UGT2A1: variants seen among roughly 807,000 people sequenced by gnomAD.
UGT2A1 encodes the protein UDP glucuronosyltransferase family 2 member A1 complex locus.
Under a neutral mutation model 45.4 loss-of-function variants are expected in UGT2A1, and 61 were observed. That is an observed-to-expected ratio of 1.34 (90% CI 1.09 to 1.66). The LOEUF (loss-of-function observed/expected upper bound fraction) is 1.66, where lower values mean the gene tolerates loss of function less well. Among genes scored for constraint, UGT2A1 ranks in the 40% most tolerant of loss-of-function variants. The pLI is 0.00. For synonymous variants in UGT2A1, 229 were observed against 196.2 expected, an observed-to-expected ratio of 1.17 and a Z score of -1.40; for missense variants, 649 against 574.3, an observed-to-expected ratio of 1.13 and a Z score of -1.33.
chr4:69,627,358 A>G (rs1195676932), intron 3 of UGT2A1, among the ~76,000 whole-genome samples: 2 of 151,880 alleles, frequency 1.3e-5, no homozygotes, highest in Non-Finnish European at 2.9e-5. Flanking sequence ...TACTAGACTC[A>G]TATCACATAC....
intron 2 of UGT2A1, among the ~76,000 whole-genome samples, chr4:69,637,801 G>T (rs1160590970): frequency 6.6e-6 from 1 of 151,990 alleles, no homozygotes; most frequent in Non-Finnish European, 1.5e-5. Flanking sequence ...CTACCACTTA[G>T]ACAAGTTGTA....
At chr4:69,596,341 A>C (rs762243860) in intron 4 of UGT2A1, 1 of 1,606,026 alleles carries the variant, frequency 6.2e-7, no homozygotes, top group East Asian at 2.2e-5. Flanking sequence ...AAACACCACA[A>C]CACCATTTTT....
At chr4:69,599,791 G>C in intron 3 of UGT2A1, 1 of 157,392 alleles carries the variant, frequency 6.4e-6, no homozygotes, top group African/African-American at 2.4e-5. Flanking sequence ...AAGGAGGGAG[G>C]ATTTTTTGTT....
chr4:69,605,099 C>T (rs1719527400), intron 3 of UGT2A1, among the ~76,000 whole-genome samples: 1 of 136,848 alleles, frequency 7.3e-6, no homozygotes, highest in Admixed American at 7.2e-5. Flanking sequence ...ATTATCCACC[C>T]CAAATCAACA....
chr4:69,594,923 T>C (rs998253087), intron 5 of UGT2A1, among the ~76,000 whole-genome samples: 2 of 152,164 alleles, frequency 1.3e-5, no homozygotes, highest in Non-Finnish European at 2.9e-5. Context: ...GGAGATGATA[T>C]CTGAACTGAA....
chr4:69,651,579 C>T (rs998323094), intron 1 of UGT2A1, among the ~76,000 whole-genome samples: 1 of 152,110 alleles, frequency 6.6e-6, no homozygotes, highest in Non-Finnish European at 1.5e-5. Flanking sequence ...ATTAGATAGG[C>T]ATTAGGAATG....
chr4:69,624,108 A>C (rs1174888303), intron 3 of UGT2A1, among the ~76,000 whole-genome samples: 1 of 151,602 alleles, frequency 6.6e-6, no homozygotes, highest in Non-Finnish European at 1.5e-5. Flanking sequence ...ATAAATGGGA[A>C]TCTGTCTATT....
chr4:69,606,554 T>G (rs1490150705), intron 3 of UGT2A1, among the ~76,000 whole-genome samples: 1 of 136,202 alleles, frequency 7.3e-6, no homozygotes, highest in Non-Finnish European at 1.6e-5. Flanking sequence ...TTCAACATAG[T>G]GTTGGAAGTT....
intron 3 of UGT2A1, among the ~76,000 whole-genome samples, chr4:69,615,185 CA>C (rs889254649): frequency 3.3e-5 from 5 of 152,030 alleles, no homozygotes; most frequent in Non-Finnish European, 7.4e-5. Flanking sequence ...TCACCATACA[CA>C]AAAATCAAAT....
chr4:69,652,701 T>G (rs1250217139), intron 1 of UGT2A1, among the ~76,000 whole-genome samples: 2 of 152,150 alleles, frequency 1.3e-5, no homozygotes, highest in Non-Finnish European at 2.9e-5. Flanking sequence ...TTAAACAATA[T>G]TAAGAAAATA....
In UGT2A1 at chr4:69,635,130, A is replaced by T. The variant is rs187634249; in HGVS notation, c.847+561T>A. ...AAGAAAGTTTAAAAATAAAAATAAA[A>T]ATAAATTTAAAAAGAGGAGTAAGGA... On this transcript the variant is annotated intron_variant, in intron 3 of 6. Coordinates refer to ENST00000286604, the MANE Select transcript of UGT2A1 (RefSeq NM_001252275.3). Among the ~76,000 whole-genome samples the T allele has an allele frequency of 8.0e-4, 122 of 152,298 alleles. 2 individuals carry two copies. In the East Asian group the frequency reaches 0.019, roughly 23 times the overall value.
At chr4:69,601,548 C>T (rs1719296442) in intron 3 of UGT2A1, among the ~76,000 whole-genome samples, 1 of 152,206 alleles carries the variant, frequency 6.6e-6, no homozygotes, top group African/African-American at 2.4e-5. Context: ...AAGGAAAACA[C>T]TTCTGCATGA....
Position 69,589,570 on chromosome 4 carries a change from G to A in UGT2A1, c.1386C>T (p.Ile462=), listed in dbSNP as rs145385081. The stretch of plus-strand genomic sequence containing the variant: ...CTCCTTTGTGGCGCATGACAAACTC[G>A]ATCCAGAAGACTGCTCGATCCAGGG... ...VKPLDRAVFW[I]EFVMRHKGAK... is the part of the protein sequence containing the mutation. Residue 462 remains isoleucine, a synonymous_variant, in exon 7 of 7, where the codon ATC becomes ATT. Transcript: ENST00000286604. The A allele has an allele frequency of 4.3e-6, 7 of 1,614,010 alleles. No individual in the cohort carries two copies. Among genetic ancestry groups the A allele is most frequent in the South Asian group, 3.3e-5 (3 of 91,088 alleles).
intron 1 of UGT2A1, among the ~76,000 whole-genome samples, chr4:69,651,589 G>A (rs1488340932): frequency 6.6e-6 from 1 of 152,160 alleles, no homozygotes; most frequent in Non-Finnish European, 1.5e-5. Context: ...CATTAGGAAT[G>A]TCAGGTGACA....
intron 3 of UGT2A1, among the ~76,000 whole-genome samples, chr4:69,634,262 AAACAAAACAAAAC>A (rs1009124834): frequency 2.4e-5 from 2 of 84,190 alleles, no homozygotes; most frequent in Non-Finnish European, 5.2e-5. Flanking sequence ...AAACAAAACA[AAACAAAACAAAAC>A]AACAACAACA....
chr4:69,592,770 A>G (rs1428347297), intron 6 of UGT2A1, among the ~76,000 whole-genome samples: 1 of 152,096 alleles, frequency 6.6e-6, no homozygotes, highest in Non-Finnish European at 1.5e-5. Flanking sequence ...AGAAGTAAAG[A>G]TAAAAAATGG....
intron 2 of UGT2A1, chr4:69,639,223 T>G: frequency 6.2e-7 from 1 of 1,613,690 alleles, no homozygotes; most frequent in Non-Finnish European, 8.5e-7. Flanking sequence ...TTTGGGTTCT[T>G]TAGTACACCA....
intron 3 of UGT2A1, among the ~76,000 whole-genome samples, chr4:69,630,738 G>A (rs1189156963): frequency 6.6e-6 from 1 of 152,090 alleles, no homozygotes; most frequent in African/African-American, 2.4e-5. Flanking sequence ...GTTTTATTAT[G>A]TTAGCGAACT....
intron 2 of UGT2A1, among the ~76,000 whole-genome samples, chr4:69,646,108 A>G (rs1166513141): frequency 6.6e-6 from 1 of 151,776 alleles, no homozygotes; most frequent in Non-Finnish European, 1.5e-5. Context: ...ATTCCTTTTA[A>G]TGTCTGATTT....
Sources: allele counts gnomAD v4.1 joint callset (sites outside exome capture counted in the v4.1 genomes callset), GRCh38; gene constraint gnomAD v4.1.1; transcripts MANE v1.5; gene names NCBI Gene and HGNC (gene_info 2026-07-23, HGNC 2026-07-21).